DLG2: variants seen among roughly 807,000 people sequenced by gnomAD.
DLG2 encodes discs large MAGUK scaffold protein 2, also known as disks large homolog 2.
In DLG2, 45 loss-of-function variants were observed where a neutral mutation model predicts 132.5. The observed-to-expected ratio is 0.34, with a 90% CI of 0.27 to 0.44. The LOEUF (loss-of-function observed/expected upper bound fraction) is 0.44. DLG2 is among the 20% of genes least tolerant of loss of function. The pLI, the probability that DLG2 is intolerant of heterozygous loss-of-function variation, is 1.00. For missense variants in DLG2, 1,045 were observed against 1,196.9 expected (o/e 0.87, Z 1.87); for synonymous variants, 424 against 419.6 (o/e 1.01, Z -0.13).
chr11:85,430,870 G>T lies in DLG2; in HGVS notation c.41-145505C>A, dbSNP rs575232159. The stretch of plus-strand genomic sequence containing the variant: ...AGTCAAAAAAAAAAAAAAAAATACA[G>T]CTGAGGCACAAGAATCACTTGAATC... On this transcript the variant is annotated intron_variant, in intron 3 of 27. Transcript: ENST00000376104. Among the ~76,000 whole-genome samples the T allele has an allele frequency of 1.4e-3, 202 of 143,320 alleles. 1 individual carries two copies. The highest frequency in any genetic ancestry group is 3.1e-3 in the Admixed American group (45 of 14,536). 94.0% of individuals were successfully genotyped at this position (143,320 alleles called of 152,430 possible). A position where few individuals can be genotyped will look rare whatever the true frequency, so the allele number is the denominator to read the frequency against.
At chr11:85,621,348 T>A (rs1170044681) in intron 2 of DLG2, among the ~76,000 whole-genome samples, 1 of 152,234 alleles carries the variant, frequency 6.6e-6, no homozygotes, top group Non-Finnish European at 1.5e-5. Context: ...ACATCCATTC[T>A]GCAGGCCACA....
intron 6 of DLG2, among the ~76,000 whole-genome samples, chr11:84,908,355 A>C (rs1219824560): frequency 6.6e-6 from 1 of 152,184 alleles, no homozygotes; most frequent in Non-Finnish European, 1.5e-5. Flanking sequence ...TGTGTTTTTT[A>C]CACTTACAAT....
At chr11:83,549,460 T>C (rs2096329390) in intron 19 of DLG2, among the ~76,000 whole-genome samples, 1 of 152,144 alleles carries the variant, frequency 6.6e-6, no homozygotes, top group South Asian at 2.1e-4. Flanking sequence ...AGGAAGAGCA[T>C]TTCACATAAT....
At chr11:85,515,155 G>C (rs889745152) in intron 3 of DLG2, among the ~76,000 whole-genome samples, 9 of 151,940 alleles carry the variant, frequency 5.9e-5, no homozygotes, top group African/African-American at 7.2e-5. Flanking sequence ...GGAGAAGTCA[G>C]AGTCACGTTT....
At chr11:83,654,782 T>C (rs2153528185) in intron 18 of DLG2, among the ~76,000 whole-genome samples, 1 of 152,346 alleles carries the variant, frequency 6.6e-6, no homozygotes, top group African/African-American at 2.4e-5. Context: ...TCTTAGGATA[T>C]TGCCGAATGA....
intron 7 of DLG2, among the ~76,000 whole-genome samples, chr11:84,298,779 G>A (rs1160621292): frequency 6.6e-6 from 1 of 152,222 alleles, no homozygotes; most frequent in Non-Finnish European, 1.5e-5. Flanking sequence ...TACAGAGAGA[G>A]AGAGAGAAAA....
At chr11:83,950,356 A>G (rs2085099806) in intron 14 of DLG2, among the ~76,000 whole-genome samples, 1 of 152,184 alleles carries the variant, frequency 6.6e-6, no homozygotes, top group Non-Finnish European at 1.5e-5. Context: ...GGACTTTGGG[A>G]GGCTGAGGTG....
intron 17 of DLG2, among the ~76,000 whole-genome samples, chr11:83,816,020 C>T (rs1163846761): frequency 1.3e-5 from 2 of 152,158 alleles, no homozygotes; most frequent in Admixed American, 6.5e-5. Flanking sequence ...CTAATTCCCT[C>T]TCTTTCTCTC....
intron 11 of DLG2, among the ~76,000 whole-genome samples, chr11:84,027,445 T>C (rs1473152361): frequency 6.6e-6 from 1 of 151,840 alleles, no homozygotes; most frequent in Non-Finnish European, 1.5e-5. Context: ...TATACAATGA[T>C]CAAAACATGA....
chr11:84,773,382 T>C (rs951207075), intron 6 of DLG2, among the ~76,000 whole-genome samples: 1 of 152,054 alleles, frequency 6.6e-6, no homozygotes, highest in African/African-American at 2.4e-5. Flanking sequence ...CTGGAATTAT[T>C]CCAAGATTTC....
chr11:84,669,188 G>T (rs781507688), intron 6 of DLG2, among the ~76,000 whole-genome samples: 2 of 152,012 alleles, frequency 1.3e-5, no homozygotes, highest in Non-Finnish European at 2.9e-5. Context: ...GGGAGTTGGG[G>T]TCTGGCACTT....
chr11:85,412,682 G>A (rs979429126), intron 3 of DLG2, among the ~76,000 whole-genome samples: 3 of 148,420 alleles, frequency 2.0e-5, no homozygotes, highest in African/African-American at 7.4e-5. Context: ...CCCAGTCTCT[G>A]TGAATGCTGC....
At chr11:83,825,839 C>A (rs975643516) in intron 17 of DLG2, among the ~76,000 whole-genome samples, 9 of 152,176 alleles carry the variant, frequency 5.9e-5, no homozygotes, top group Non-Finnish European at 8.8e-5. Flanking sequence ...CCCCACTGCC[C>A]TGCTGTCTGG....
At chr11:83,799,892 T>C (rs2043888122) in intron 17 of DLG2, among the ~76,000 whole-genome samples, 1 of 152,194 alleles carries the variant, frequency 6.6e-6, no homozygotes, top group Admixed American at 6.5e-5. Flanking sequence ...GTCAGTACCC[T>C]GGTCAAATTA....
intron 6 of DLG2, among the ~76,000 whole-genome samples, chr11:85,033,992 T>C (rs1202201331): frequency 6.6e-6 from 1 of 152,160 alleles, no homozygotes; most frequent in Non-Finnish European, 1.5e-5. Context: ...CTAATTGATG[T>C]GAAGGACTTT....
chr11:84,834,654 C>T (rs999031114), intron 6 of DLG2, among the ~76,000 whole-genome samples: 1 of 151,444 alleles, frequency 6.6e-6, no homozygotes, highest in East Asian at 2.0e-4. Flanking sequence ...AATATGGAGT[C>T]TTTTTTATCA....
rs185676481 is a variant in DLG2, at chr11:83,554,189, T to A, written c.1941-12331A>T. Among the ~76,000 whole-genome samples, 499 of 152,238 alleles carry A rather than the reference T, an allele frequency of 3.3e-3. 5 individuals carry two copies. The highest frequency in any genetic ancestry group is 0.012 in the African/African-American group (483 of 41,534). On this transcript the variant is annotated intron_variant, in intron 19 of 27. Transcript: ENST00000376104. ...ATGAACCACCATGCCAGGCCTATAG[T>A]CTTTAAACTTTAGCACTTAGGTTTT...
chr11:83,751,970 T>C (rs7109065), intron 18 of DLG2, among the ~76,000 whole-genome samples: 33,257 of 151,936 alleles, frequency 0.22, 5,015 homozygotes, highest in African/African-American at 0.43. Context: ...TAGGTAGAGA[T>C]AAAAAAGAGA....
intron 11 of DLG2, among the ~76,000 whole-genome samples, chr11:84,033,938 G>A (rs552085238): frequency 2.4e-4 from 37 of 152,006 alleles, no homozygotes; most frequent in Admixed American, 3.3e-4. Context: ...ACAGTTAGCC[G>A]GGCATGTTGG....
Sources: gnomAD v4.1 joint callset for allele counts (sites outside exome capture counted in the v4.1 genomes callset) on GRCh38, gnomAD v4.1.1 for gene constraint, MANE v1.5 for transcripts, NCBI Gene and HGNC (gene_info 2026-07-23, HGNC 2026-07-21) for gene names.